Variants in ROBO1 observed in about 807,000 individuals in gnomAD.
ROBO1 encodes the protein roundabout guidance receptor 1, also known as roundabout homolog 1.
ROBO1 carries 149 observed loss-of-function variants against 195.9 expected under a neutral mutation model. The ratio of observed to expected loss-of-function variants is 0.76; its 90% CI spans 0.67 to 0.87. ROBO1 has a LOEUF of 0.87. Among genes scored for constraint, ROBO1 ranks in the 40% least tolerant of loss-of-function variants. The probability of loss-of-function intolerance (pLI) is 0.00; values close to 1 mark genes in which losing one functional copy is unlikely to be tolerated. For synonymous variants in ROBO1, 816 were observed against 733.2 expected, an observed-to-expected ratio of 1.11 and a Z score of -1.82; for missense variants, 1,933 against 2,068.3, an observed-to-expected ratio of 0.93 and a Z score of 1.27.
intron 2 of ROBO1, among the ~76,000 whole-genome samples, chr3:79,547,163 AG>A (rs1942299699): frequency 2.3e-5 from 3 of 131,788 alleles, no homozygotes; most frequent in Middle Eastern, 3.8e-3. Context: ...CCAGCCTGGC[AG>A]ACAGAGCGAG....
chr3:78,745,685 C>A (rs373910107), intron 5 of ROBO1, among the ~76,000 whole-genome samples: 2 of 152,192 alleles, frequency 1.3e-5, no homozygotes, highest in East Asian at 3.9e-4. Flanking sequence ...CATCCTCACA[C>A]CAATCCCAAG....
chr3:79,561,181 A>G (rs527509289), intron 2 of ROBO1, among the ~76,000 whole-genome samples: 2 of 152,290 alleles, frequency 1.3e-5, no homozygotes, highest in East Asian at 1.9e-4. Flanking sequence ...CTAAAACACT[A>G]TCTTAAAGAG....
intron 2 of ROBO1, among the ~76,000 whole-genome samples, chr3:79,252,480 C>A (rs925857277): frequency 6.6e-6 from 1 of 152,120 alleles, no homozygotes; most frequent in Non-Finnish European, 1.5e-5. Context: ...AGAAAAGATT[C>A]TTCTGGAAAC....
At chr3:79,564,967 A>G (rs1943044495) in intron 2 of ROBO1, among the ~76,000 whole-genome samples, 1 of 152,102 alleles carries the variant, frequency 6.6e-6, no homozygotes, top group Non-Finnish European at 1.5e-5. Context: ...GTAATGGCAA[A>G]AAGAAGCAAT....
intron 2 of ROBO1, among the ~76,000 whole-genome samples, chr3:79,185,206 T>G (rs1576787092): frequency 6.6e-6 from 1 of 152,138 alleles, no homozygotes; most frequent in African/African-American, 2.4e-5. Context: ...GGAAAGATCT[T>G]TTTGGTGCTC....
At chr3:79,571,885 T>C (rs189049151) in intron 2 of ROBO1, among the ~76,000 whole-genome samples, 1 of 152,218 alleles carries the variant, frequency 6.6e-6, no homozygotes, top group Admixed American at 6.5e-5. Flanking sequence ...CTAAATTTAA[T>C]GTTCTCTTCT....
intron 8 of ROBO1, among the ~76,000 whole-genome samples, chr3:78,699,550 C>T (rs1481498408): frequency 6.6e-6 from 1 of 150,756 alleles, no homozygotes; most frequent in East Asian, 1.9e-4. Context: ...GCCTGGGTGA[C>T]AGGGCAAGAC....
intron 3 of ROBO1, among the ~76,000 whole-genome samples, chr3:79,034,862 T>G (rs1011177342): frequency 6.6e-6 from 1 of 152,116 alleles, no homozygotes; most frequent in Admixed American, 6.5e-5. Flanking sequence ...GGATACCACA[T>G]TAAAAAATAA....
chr3:79,231,924 T>C (rs1016771095), intron 2 of ROBO1, among the ~76,000 whole-genome samples: 4 of 152,076 alleles, frequency 2.6e-5, no homozygotes, highest in African/African-American at 9.7e-5. Context: ...GGGACATGGA[T>C]GGAACTGGGG....
At chr3:78,659,902 AC>A in intron 16 of ROBO1, 95 bp from the exon 17 acceptor site, 1 of 864,936 alleles carries the variant, frequency 1.2e-6, no homozygotes, top group Non-Finnish European at 1.7e-6. Context: ...ATGTATTAAT[AC>A]TATATCAATA....
intron 3 of ROBO1, among the ~76,000 whole-genome samples, chr3:79,006,836 G>A (rs566369596): frequency 1.3e-5 from 2 of 151,300 alleles, no homozygotes; most frequent in South Asian, 4.2e-4. Context: ...AGATGGTTCA[G>A]TGGGAAATAA....
intron 2 of ROBO1, among the ~76,000 whole-genome samples, chr3:79,448,673 A>C (rs2039347280): frequency 6.6e-6 from 1 of 152,180 alleles, no homozygotes; most frequent in Non-Finnish European, 1.5e-5. Context: ...TGGTATATGT[A>C]GAGACTTTTT....
chr3:79,328,060 T>C (rs1221837283), intron 2 of ROBO1, among the ~76,000 whole-genome samples: 1 of 152,162 alleles, frequency 6.6e-6, no homozygotes, highest in African/African-American at 2.4e-5. Flanking sequence ...TTGCAAAACA[T>C]GTAAAATATG....
chr3:79,308,452 T>C (rs1331493530), intron 2 of ROBO1, among the ~76,000 whole-genome samples: 1 of 152,218 alleles, frequency 6.6e-6, no homozygotes, highest in African/African-American at 2.4e-5. Context: ...ACTTTCACTT[T>C]ACATTTCTTT....
intron 1 of ROBO1, among the ~76,000 whole-genome samples, chr3:79,676,299 A>G (rs1946782301): frequency 6.6e-6 from 1 of 152,062 alleles, no homozygotes; most frequent in Non-Finnish European, 1.5e-5. Flanking sequence ...TACATATTGT[A>G]TTATCTGTCG....
At chr3:78,601,369 A>AT (rs1455632951) in intron 29 of ROBO1, among the ~76,000 whole-genome samples, 2 of 152,190 alleles carry the variant, frequency 1.3e-5, no homozygotes, top group African/African-American at 4.8e-5. Flanking sequence ...TGAAGCCAGT[A>AT]TAGTCTTCCT....
intron 2 of ROBO1, among the ~76,000 whole-genome samples, chr3:79,284,044 G>A (rs920337005): frequency 6.6e-6 from 1 of 151,664 alleles, no homozygotes; most frequent in Non-Finnish European, 1.5e-5. Context: ...GTTCTGGGTC[G>A]CTGGTGGATT....
At chr3:79,726,102 A>G (rs180689988) in intron 1 of ROBO1, among the ~76,000 whole-genome samples, 12 of 152,296 alleles carry the variant, frequency 7.9e-5, no homozygotes, top group Middle Eastern at 3.4e-3. Context: ...AATGTGAATG[A>G]CGATTTTCTT....
intron 4 of ROBO1, among the ~76,000 whole-genome samples, chr3:78,905,812 A>AT: frequency 6.6e-6 from 1 of 152,158 alleles, no homozygotes; most frequent in East Asian, 1.9e-4. Flanking sequence ...ACGATTACTC[A>AT]TTTTTTGATG....
Sources: gnomAD v4.1 joint callset for allele counts (sites outside exome capture counted in the v4.1 genomes callset) on GRCh38, gnomAD v4.1.1 for gene constraint, MANE v1.5 for transcripts, NCBI Gene and HGNC (gene_info 2026-07-23, HGNC 2026-07-21) for gene names.